The following XKR9 variants were observed in gnomAD, a reference collection of about 807,000 sequenced individuals.
XKR9 encodes XK related 9, also known as XK-related protein 9.
In XKR9, 32 loss-of-function variants were observed where a neutral mutation model predicts 32.0. The observed-to-expected ratio is 1.00, with a 90% CI of 0.76 to 1.34. The LOEUF (loss-of-function observed/expected upper bound fraction) is 1.34. XKR9 is among the 40% of genes most tolerant of loss of function. XKR9 has a pLI of 0.00. For synonymous variants in XKR9, 168 were observed against 143.4 expected (o/e 1.17, Z -1.22); for missense variants, 546 against 429.7 (o/e 1.27, Z -2.39).
intron 2 of XKR9, among the ~76,000 whole-genome samples, chr8:70,769,417 G>A (rs1563474559): frequency 4.0e-5 from 6 of 151,872 alleles, no homozygotes; most frequent in Admixed American, 3.3e-4. Flanking sequence ...TATGTGTCTT[G>A]TGGTTGCTCT....
At chr8:70,722,129 T>G (rs1019726742) in intron 4 of XKR9, among the ~76,000 whole-genome samples, 5 of 152,064 alleles carry the variant, frequency 3.3e-5, no homozygotes, top group African/African-American at 1.2e-4. Flanking sequence ...CCCCTGATTT[T>G]TTTTTTTTGC....
chr8:70,757,107 A>G (rs1807237880), intron 2 of XKR9, among the ~76,000 whole-genome samples: 1 of 151,326 alleles, frequency 6.6e-6, no homozygotes, highest in Non-Finnish European at 1.5e-5. Context: ...TAATCATGTG[A>G]TTTTTGTTTT....
the XKR9 span, among the ~76,000 whole-genome samples, chr8:70,934,429 A>G: frequency 6.6e-6 from 1 of 152,074 alleles, no homozygotes; most frequent in East Asian, 1.9e-4. Flanking sequence ...CTGCTATGTG[A>G]CAATCCATTT....
intron 3 of XKR9, among the ~76,000 whole-genome samples, chr8:70,700,866 T>C (rs62530787): frequency 0.073 from 11,065 of 152,256 alleles, 489 homozygotes; most frequent in Non-Finnish European, 0.089. Flanking sequence ...CTGCTTTGTT[T>C]ACCTGAGCAA....
intron 2 of XKR9, among the ~76,000 whole-genome samples, chr8:70,747,052 G>A (rs901900474): frequency 6.6e-6 from 1 of 152,074 alleles, no homozygotes; most frequent in Non-Finnish European, 1.5e-5. Context: ...TACGATAATG[G>A]CCTCCAGCTA....
chr8:71,054,974 A>G, the XKR9 span, among the ~76,000 whole-genome samples: 1 of 152,208 alleles, frequency 6.6e-6, no homozygotes, highest in South Asian at 2.1e-4. Context: ...AAAGTATTTG[A>G]CTTCCTTTCT....
chr8:70,929,727 A>C, the XKR9 span, among the ~76,000 whole-genome samples: 1 of 152,190 alleles, frequency 6.6e-6, no homozygotes, highest in East Asian at 1.9e-4. Context: ...AGAAATGGTC[A>C]TCGAGTCCCT....
At chr8:70,864,651 T>G in the XKR9 span, among the ~76,000 whole-genome samples, 10 of 152,152 alleles carry the variant, frequency 6.6e-5, no homozygotes, top group Admixed American at 2.6e-4. Context: ...AACCCAAGCC[T>G]TCATTTCACT....
At chr8:70,700,784 A>T (rs999209396) in intron 3 of XKR9, among the ~76,000 whole-genome samples, 2 of 152,230 alleles carry the variant, frequency 1.3e-5, no homozygotes, top group Non-Finnish European at 2.9e-5. Flanking sequence ...CCCTGCCTCC[A>T]GAGGTGGAGC....
At chr8:70,740,194 C>T (rs371131655), downstream of XKR9, among the ~76,000 whole-genome samples, 48 of 152,162 alleles carry the variant, frequency 3.2e-4, no homozygotes, top group East Asian at 7.9e-3. Flanking sequence ...TCTAAACTTC[C>T]CTTCTCGCTT....
At chr8:70,959,867 C>G in the XKR9 span, among the ~76,000 whole-genome samples, 1 of 152,240 alleles carries the variant, frequency 6.6e-6, no homozygotes, top group East Asian at 1.9e-4. Flanking sequence ...ATTTATATTA[C>G]CTTTTAAAAA....
At chr8:70,797,189 ACAGT>A in the XKR9 span, among the ~76,000 whole-genome samples, 13 of 152,124 alleles carry the variant, frequency 8.5e-5, no homozygotes, top group East Asian at 1.9e-4. Flanking sequence ...AAATGAGGTA[ACAGT>A]CAGAGTGAGG....
the XKR9 span, among the ~76,000 whole-genome samples, chr8:70,932,291 G>A: frequency 1.3e-5 from 2 of 152,190 alleles, no homozygotes; most frequent in South Asian, 2.1e-4. Context: ...GATGCAGACC[G>A]ATGTGAGATA....
At chr8:70,857,747 C>T in the XKR9 span, among the ~76,000 whole-genome samples, 2 of 152,186 alleles carry the variant, frequency 1.3e-5, no homozygotes, top group African/African-American at 4.8e-5. Flanking sequence ...TCCAGCAGCA[C>T]ATCAAAAAGC....
intron 2 of XKR9, among the ~76,000 whole-genome samples, chr8:70,784,234 T>C (rs1586897651): frequency 6.6e-6 from 1 of 152,300 alleles, no homozygotes; most frequent in East Asian, 1.9e-4. Context: ...TCCATTTCTA[T>C]GTAAAAATGA....
the XKR9 span, among the ~76,000 whole-genome samples, chr8:70,795,902 G>T: frequency 6.6e-6 from 1 of 151,922 alleles, no homozygotes; most frequent in Admixed American, 6.6e-5. Flanking sequence ...ATCTGACAAA[G>T]GTCTAACTTT....
chr8:70,921,797 C>A, the XKR9 span, among the ~76,000 whole-genome samples: 1 of 152,118 alleles, frequency 6.6e-6, no homozygotes, highest in Non-Finnish European at 1.5e-5. Flanking sequence ...GGCAGCAATA[C>A]CCACTTTCAA....
At chr8:70,853,207 A>G in the XKR9 span, among the ~76,000 whole-genome samples, 1 of 152,146 alleles carries the variant, frequency 6.6e-6, no homozygotes, top group African/African-American at 2.4e-5. Context: ...AAACGACTGA[A>G]CTCATCAAGA....
chr8:70,904,586 T>G, the XKR9 span, among the ~76,000 whole-genome samples: 1 of 152,228 alleles, frequency 6.6e-6, no homozygotes, highest in African/African-American at 2.4e-5. Context: ...TTTGCCAGTC[T>G]GTGTTTTTTA....
Sources: allele counts gnomAD v4.1 joint callset (sites outside exome capture counted in the v4.1 genomes callset), GRCh38; gene constraint gnomAD v4.1.1; transcripts MANE v1.5; gene names NCBI Gene and HGNC (gene_info 2026-07-23, HGNC 2026-07-21).